The following CACNB2 variants were observed in gnomAD, a reference collection of about 807,000 sequenced individuals.
The protein encoded by CACNB2 is voltage-dependent L-type calcium channel subunit beta-2.
In CACNB2, 42 loss-of-function variants were observed where a neutral mutation model predicts 73.3. The observed-to-expected ratio is 0.57, with a 90% CI of 0.45 to 0.74. The LOEUF (loss-of-function observed/expected upper bound fraction) is 0.74, where lower values mean the gene tolerates loss of function less well. Among genes scored for constraint, CACNB2 ranks in the 30% least tolerant of loss-of-function variants. The pLI, the probability that CACNB2 is intolerant of heterozygous loss-of-function variation, is 0.00. For missense variants in CACNB2, 940 were observed against 853.0 expected, an observed-to-expected ratio of 1.10 and a Z score of -1.27; for synonymous variants, 348 against 310.3, an observed-to-expected ratio of 1.12 and a Z score of -1.28.
chr10:18,313,210 G>A (rs1164702605), intron 2 of CACNB2, among the ~76,000 whole-genome samples: 1 of 150,934 alleles, frequency 6.6e-6, no homozygotes, highest in Non-Finnish European at 1.5e-5. Context: ...ATTCCCACTA[G>A]CACTGAGCAA....
intron 3 of CACNB2, among the ~76,000 whole-genome samples, chr10:18,430,899 T>G (rs1408408702): frequency 1.3e-5 from 2 of 152,222 alleles, no homozygotes. Flanking sequence ...GAAGATAATC[T>G]CTATCATTTA....
intron 1 of CACNB2, among the ~76,000 whole-genome samples, chr10:18,144,084 G>C (rs1328820821): frequency 6.6e-6 from 1 of 151,950 alleles, no homozygotes; most frequent in African/African-American, 2.4e-5. Context: ...TTTTTGTTCT[G>C]TTTTGTGTTT....
chr10:18,247,309 A>T (rs532404467), intron 2 of CACNB2, among the ~76,000 whole-genome samples: 2 of 152,242 alleles, frequency 1.3e-5, no homozygotes, highest in African/African-American at 4.8e-5. Context: ...TTTTTCCTTG[A>T]TCAGTCCCCA....
intron 3 of CACNB2, among the ~76,000 whole-genome samples, chr10:18,412,139 A>G (rs1440902311): frequency 1.3e-5 from 2 of 152,284 alleles, no homozygotes; most frequent in South Asian, 2.1e-4. Flanking sequence ...TGCTGGTCCC[A>G]GGGCTGCTTC....
chr10:18,333,830 G>C (rs2040897907), intron 2 of CACNB2, among the ~76,000 whole-genome samples: 1 of 152,126 alleles, frequency 6.6e-6, no homozygotes, highest in Non-Finnish European at 1.5e-5. Flanking sequence ...TTGAAGTCTG[G>C]ACGGACCACT....
intron 3 of CACNB2, among the ~76,000 whole-genome samples, chr10:18,471,537 C>A (rs560482850): frequency 3.3e-5 from 5 of 152,154 alleles, no homozygotes; most frequent in Non-Finnish European, 1.5e-5. Context: ...TTTTGTGAAA[C>A]TGCCCATGGT....
chr10:18,389,650 G>A (rs1015260151), intron 2 of CACNB2, among the ~76,000 whole-genome samples: 1 of 152,188 alleles, frequency 6.6e-6, no homozygotes. Flanking sequence ...GTTCCTAGAA[G>A]TGAAATTAAT....
chr10:18,484,165 G>T (rs1387115357), intron 3 of CACNB2, among the ~76,000 whole-genome samples: 2 of 152,092 alleles, frequency 1.3e-5, no homozygotes, highest in Non-Finnish European at 2.9e-5. Flanking sequence ...AGGCCAAGGC[G>T]GGCAGATCAC....
At chr10:18,471,288 A>T (rs1461531803) in intron 3 of CACNB2, among the ~76,000 whole-genome samples, 1 of 152,200 alleles carries the variant, frequency 6.6e-6, no homozygotes, top group African/African-American at 2.4e-5. Context: ...CCTGGGCAAC[A>T]AGAGTGAAAC....
At chr10:18,347,338 C>T (rs982528502) in intron 2 of CACNB2, among the ~76,000 whole-genome samples, 2 of 141,118 alleles carry the variant, frequency 1.4e-5, no homozygotes, top group Non-Finnish European at 3.0e-5. Flanking sequence ...CCGCCATGCC[C>T]GTCTAATTTT....
intron 2 of CACNB2, among the ~76,000 whole-genome samples, chr10:18,291,595 T>C (rs1276156514): frequency 6.6e-6 from 1 of 152,240 alleles, no homozygotes; most frequent in African/African-American, 2.4e-5. Context: ...CTGTTACTTA[T>C]GATATCTGTG....
chr10:18,287,307 T>G (rs2038845790), intron 2 of CACNB2, among the ~76,000 whole-genome samples: 2 of 152,070 alleles, frequency 1.3e-5, no homozygotes, highest in Admixed American at 1.3e-4. Context: ...CCAGCCTGTT[T>G]GACACAGCGA....
At chr10:18,461,422 T>A (rs1217325919) in intron 3 of CACNB2, among the ~76,000 whole-genome samples, 1 of 152,194 alleles carries the variant, frequency 6.6e-6, no homozygotes, top group Admixed American at 6.5e-5. Context: ...TTCAGTTCCT[T>A]TCAAATCCAG....
chr10:18,495,489 G>A (rs894424486), intron 3 of CACNB2, among the ~76,000 whole-genome samples: 1 of 151,866 alleles, frequency 6.6e-6, no homozygotes, highest in Non-Finnish European at 1.5e-5. Flanking sequence ...AAAGTGCTGC[G>A]ATTACTGGCA....
chr10:18,492,544 C>A (rs2049501420), intron 3 of CACNB2, among the ~76,000 whole-genome samples: 1 of 147,084 alleles, frequency 6.8e-6, no homozygotes, highest in Non-Finnish European at 1.5e-5. Context: ...TCACTTGAAC[C>A]CGGGAGGCAG....
chr10:18,189,552 T>C (rs1447465008), intron 2 of CACNB2, among the ~76,000 whole-genome samples: 1 of 152,222 alleles, frequency 6.6e-6, no homozygotes, highest in Non-Finnish European at 1.5e-5. Flanking sequence ...GAATTTTTTC[T>C]CCTAGCGTTT....
intron 9 of CACNB2, among the ~76,000 whole-genome samples, chr10:18,523,946 A>G (rs1412813451): frequency 2.6e-5 from 4 of 152,220 alleles, no homozygotes; most frequent in African/African-American, 9.6e-5. Context: ...ACCCACTTAA[A>G]TTCATTTGCA....
intron 2 of CACNB2, among the ~76,000 whole-genome samples, chr10:18,286,453 G>T (rs186927648): frequency 6.2e-4 from 86 of 138,364 alleles, no homozygotes; most frequent in Middle Eastern, 9.3e-3. Flanking sequence ...TGCAGGTGGA[G>T]CTTGCAGCAA....
chr10:18,400,990 C>A, intron 2 of CACNB2: 1 of 1,613,612 alleles, frequency 6.2e-7, no homozygotes, highest in Non-Finnish European at 8.5e-7. Flanking sequence ...AGAACCTGTG[C>A]CCGGGGCTGC....
Sources: allele counts gnomAD v4.1 joint callset (sites outside exome capture counted in the v4.1 genomes callset), GRCh38; gene constraint gnomAD v4.1.1; transcripts MANE v1.5; gene names NCBI Gene and HGNC (gene_info 2026-07-23, HGNC 2026-07-21).